DMD: variants seen among roughly 807,000 people sequenced by gnomAD.
The protein encoded by DMD is dystrophin.
Under a neutral mutation model 330.1 loss-of-function variants are expected in DMD, and 63 were observed. The ratio of observed to expected loss-of-function variants is 0.19; its 90% CI spans 0.16 to 0.24. The LOEUF is 0.24. DMD is among the 10% of genes least tolerant of loss of function. The pLI, the probability that DMD is intolerant of heterozygous loss-of-function variation, is 1.00. For missense variants in DMD, 3,344 were observed against 2,684.1 expected (o/e 1.25, Z -5.43); for synonymous variants, 1,223 against 959.8 (o/e 1.27, Z -5.07).
At chrX:31,892,360 A>G (rs2094267516) in intron 47 of DMD, among the ~76,000 whole-genome samples, 1 of 111,406 alleles carries the variant, frequency 9.0e-6, no homozygotes, top group Non-Finnish European at 1.9e-5. Flanking sequence ...ACCGGTTAAT[A>G]TGGTAGCCAC....
At chrX:32,039,650 A>G (rs2095982930) in intron 44 of DMD, among the ~76,000 whole-genome samples, 1 of 111,912 alleles carries the variant, frequency 8.9e-6, no homozygotes, top group Non-Finnish European at 1.9e-5. Context: ...GATATAGAAC[A>G]TCACAACTCA....
At chrX:31,516,121 T>C (rs2072166682) in intron 55 of DMD, among the ~76,000 whole-genome samples, 1 of 110,786 alleles carries the variant, frequency 9.0e-6, no homozygotes, top group South Asian at 3.8e-4. Flanking sequence ...AGAACAGAAA[T>C]TGAAAGCAAA....
chrX:31,957,652 GATAAA>G (rs755023402), intron 45 of DMD, among the ~76,000 whole-genome samples: 96 of 111,355 alleles, frequency 8.6e-4, no homozygotes, highest in Admixed American at 2.2e-3. Flanking sequence ...AGTAGAGAGA[GATAAA>G]ATAAAATATT....
intron 2 of DMD, among the ~76,000 whole-genome samples, chrX:32,876,360 C>T (rs1473725759): frequency 8.9e-6 from 1 of 112,017 alleles, no homozygotes; most frequent in Non-Finnish European, 1.9e-5. Flanking sequence ...CCAATTTAGT[C>T]TATGTAGTAC....
chrX:32,468,111 A>T (rs2040236499), intron 23 of DMD, among the ~76,000 whole-genome samples: 1 of 110,399 alleles, frequency 9.1e-6, no homozygotes, highest in Non-Finnish European at 1.9e-5. Context: ...TATATATATA[A>T]AATGATTACA....
intron 55 of DMD, among the ~76,000 whole-genome samples, chrX:31,530,647 C>CTTTT (rs1192286078): frequency 4.0e-5 from 2 of 49,831 alleles, no homozygotes; most frequent in East Asian, 7.2e-4. Flanking sequence ...ACTGGTTTCT[C>CTTTT]TTTTTTTTTT....
At chrX:33,301,846 G>A (rs1440919045) in intron 1 of DMD, among the ~76,000 whole-genome samples, 3 of 111,523 alleles carry the variant, frequency 2.7e-5, no homozygotes, top group South Asian at 3.7e-4. Flanking sequence ...CCACCTTTTA[G>A]TACTATCATA....
Position 32,101,225 on chromosome X carries a change from G to A in DMD, c.6438+115691C>T, listed in dbSNP as rs141091979. ...TCACCTAGATTTGGAGTTTTAATAT[G>A]GAGAAGCAGTGGTGGTTTAAAAGAC... On this transcript the variant is annotated intron_variant, in intron 44 of 78. Transcript: ENST00000357033. Among the ~76,000 whole-genome samples the A allele has an allele frequency of 2.8e-4, 31 of 111,783 alleles. 1 individual carries two copies. The East Asian group carries it at 6.5e-3, about 23-fold the overall frequency.
chrX:32,657,598 G>C lies in DMD; in HGVS notation c.961-12446C>G, dbSNP rs911339910. Among the ~76,000 whole-genome samples the C allele has an allele frequency of 8.0e-4, 90 of 111,936 alleles. 1 individual carries two copies. Among genetic ancestry groups the C allele is most frequent in the African/African-American group, 2.8e-3 (85 of 30,828 alleles). ...CATTCCTTGGCTGACAGAGATTCAT[G>C]AAGTCCAGAGAAGAAGGATGAACAT... On this transcript the variant is annotated intron_variant, in intron 9 of 78. Transcript: ENST00000357033.
chrX:31,586,296 G>A lies in DMD; in HGVS notation c.8217+41377C>T, dbSNP rs750697637. On this transcript the variant is annotated intron_variant, in intron 55 of 78. Transcript: ENST00000357033. ...AGATAAATATACAAAGGAATATAAA[G>A]TAAAAATGCAACTGAAAATGGCTGA... Among the ~76,000 whole-genome samples the A allele has an allele frequency of 7.1e-5, 8 of 112,668 alleles. No homozygotes were observed. The South Asian group carries it at 2.6e-3, about 36-fold the overall frequency.
At chrX:32,219,323 T>C (rs11797342) in intron 43 of DMD, among the ~76,000 whole-genome samples, 10,694 of 111,541 alleles carry the variant, frequency 0.096, 531 homozygotes, top group Admixed American at 0.15. Flanking sequence ...TAAAAATGAA[T>C]TGCACATTGC....
chrX:31,872,900 C>T (rs2093914485), intron 48 of DMD, among the ~76,000 whole-genome samples: 1 of 110,822 alleles, frequency 9.0e-6, no homozygotes, highest in African/African-American at 3.3e-5. Flanking sequence ...CCTCTGAGTA[C>T]AATATGTACT....
chrX:33,302,541 C>T (rs2053681137), intron 1 of DMD, among the ~76,000 whole-genome samples: 1 of 111,689 alleles, frequency 9.0e-6, no homozygotes, highest in Non-Finnish European at 1.9e-5. Flanking sequence ...TTGCGGTAAG[C>T]TATTTGTTCT....
intron 42 of DMD, among the ~76,000 whole-genome samples, chrX:32,292,115 C>T (rs865829605): frequency 6.4e-5 from 7 of 109,703 alleles, no homozygotes; most frequent in African/African-American, 2.3e-4. Context: ...ACATCAGGTG[C>T]TCTATATAAT....
At chrX:32,630,140 G>T (rs746434771) in intron 11 of DMD, among the ~76,000 whole-genome samples, 9 of 111,568 alleles carry the variant, frequency 8.1e-5, no homozygotes, top group African/African-American at 2.6e-4. Context: ...AAATCTGTCA[G>T]CTTTTCTTTG....
At chrX:32,136,794 T>C (rs947511630) in intron 44 of DMD, among the ~76,000 whole-genome samples, 3 of 108,150 alleles carry the variant, frequency 2.8e-5, no homozygotes. Context: ...GAAAATAATA[T>C]TGGGAATTGA....
intron 44 of DMD, among the ~76,000 whole-genome samples, chrX:32,132,851 C>T (rs979803572): frequency 2.7e-5 from 3 of 110,539 alleles, no homozygotes; most frequent in Non-Finnish European, 5.7e-5. Context: ...TTACTGCTTT[C>T]TCCTTTTGGT....
At chrX:32,815,005 T>C (rs2077619914) in intron 6 of DMD, among the ~76,000 whole-genome samples, 1 of 111,426 alleles carries the variant, frequency 9.0e-6, no homozygotes, top group African/African-American at 3.3e-5. Flanking sequence ...CTCTATCCCT[T>C]CTCATCTAAC....
chrX:31,270,082 C>T (rs1024657541), intron 62 of DMD, among the ~76,000 whole-genome samples: 1 of 111,775 alleles, frequency 8.9e-6, no homozygotes, highest in African/African-American at 3.3e-5. Flanking sequence ...CCTTGACCTG[C>T]AGCCACAAGT....
Sources: allele counts gnomAD v4.1 joint callset (sites outside exome capture counted in the v4.1 genomes callset), GRCh38; gene constraint gnomAD v4.1.1; transcripts MANE v1.5; gene names NCBI Gene and HGNC (gene_info 2026-07-23, HGNC 2026-07-21).